Variants in CRIM1 observed in about 807,000 individuals in gnomAD.
CRIM1 encodes the protein cysteine-rich motor neuron 1 protein.
In CRIM1, 32 loss-of-function variants were observed where a neutral mutation model predicts 116.4. That is an observed-to-expected ratio of 0.27 (90% CI 0.21 to 0.37). The LOEUF is 0.37. Among genes scored for constraint, CRIM1 ranks in the 10% least tolerant of loss-of-function variants. The pLI is 1.00. For synonymous variants in CRIM1, 590 were observed against 509.2 expected (o/e 1.16, Z -2.13); for missense variants, 1,331 against 1,354.8 (o/e 0.98, Z 0.28).
At chr2:36,546,898 T>A (rs1167469214) in intron 15 of CRIM1, 86 bp from the exon 16 acceptor site, 1 of 752,738 alleles carries the variant, frequency 1.3e-6, no homozygotes, top group African/African-American at 1.8e-5. Context: ...AAAACCAAGT[T>A]GCTGATCTCT....
Position 36,495,617 on chromosome 2 carries a change from A to G in CRIM1, c.1373-3602A>G, listed in dbSNP as rs918704278. Reference sequence around the variant, plus strand: ...AGAATCTGACCAGCTCTTGGTCATTATTCTTTAAGAACTATAAATATAATA... The same window carrying G: ...AGAATCTGACCAGCTCTTGGTCATTGTTCTTTAAGAACTATAAATATAATA... On this transcript the variant is annotated intron_variant, in intron 7 of 16. Transcript: ENST00000280527. Among the ~76,000 whole-genome samples the G allele has an allele frequency of 4.6e-5, 7 of 151,670 alleles. No individual in the cohort carries two copies. In the South Asian group the frequency reaches 1.5e-3, roughly 32 times the overall value.
chr2:36,376,757 TC>T, intron 1 of CRIM1, among the ~76,000 whole-genome samples: 1 of 152,326 alleles, frequency 6.6e-6, no homozygotes, highest in East Asian at 1.9e-4. Context: ...GCATTTCTTT[TC>T]CCTTTCTTTT....
At chr2:36,379,459 G>A (rs1019304159) in intron 1 of CRIM1, among the ~76,000 whole-genome samples, 1 of 152,158 alleles carries the variant, frequency 6.6e-6, no homozygotes, top group East Asian at 1.9e-4. Flanking sequence ...CACTCTGCTG[G>A]GGTACAAAAA....
intron 9 of CRIM1, among the ~76,000 whole-genome samples, 199 bp from the exon 10 acceptor site, chr2:36,512,074 A>G (rs1013512700): frequency 1.3e-5 from 2 of 152,072 alleles, no homozygotes; most frequent in Non-Finnish European, 2.9e-5. Context: ...TGCTTGGGCA[A>G]CTCTCTGCCT....
intron 2 of CRIM1, among the ~76,000 whole-genome samples, chr2:36,399,340 C>T (rs1282280836): frequency 6.6e-6 from 1 of 152,140 alleles, no homozygotes; most frequent in East Asian, 1.9e-4. Flanking sequence ...TAATGGCAGT[C>T]AAGAGGCTCG....
At chr2:36,395,516 A>G (rs1182096409) in intron 1 of CRIM1, among the ~76,000 whole-genome samples, 2 of 152,234 alleles carry the variant, frequency 1.3e-5, no homozygotes, top group Admixed American at 6.5e-5. Context: ...CCAAGGATTC[A>G]CAGAGAGAAA....
intron 3 of CRIM1, among the ~76,000 whole-genome samples, chr2:36,442,292 C>T (rs1232473778): frequency 2.6e-5 from 4 of 151,428 alleles, no homozygotes. Context: ...GCAAAGTGAT[C>T]CTTTGTCCGT....
rs933491259 is a variant in CRIM1 at position 36,474,786 on chromosome 2, TG to T, written c.992-2102del. Among the ~76,000 whole-genome samples the T allele has an allele frequency of 1.0e-3, 145 of 140,334 alleles. 2 individuals are homozygous for T. Among genetic ancestry groups the T allele is most frequent in the African/African-American group, 3.8e-3 (142 of 37,154 alleles). 92.1% of individuals were successfully genotyped at this position (140,334 alleles called of 152,430 possible). ...TCACTTGAACCCAGGAGGTAAAGGT[TG>T]CAGTGAGCTCAGATGACGCCACTCC... On this transcript the variant is annotated intron_variant, in intron 5 of 16. Coordinates refer to ENST00000280527, the MANE Select transcript of CRIM1 (RefSeq NM_016441.3).
At chr2:36,473,489 A>G (rs1358482971) in intron 5 of CRIM1, among the ~76,000 whole-genome samples, 1 of 152,162 alleles carries the variant, frequency 6.6e-6, no homozygotes, top group Admixed American at 6.5e-5. Context: ...GCCATCAGAA[A>G]ACTCCTGAAC....
chr2:36,357,829 G>C (rs1181826430), intron 1 of CRIM1, among the ~76,000 whole-genome samples: 1 of 152,124 alleles, frequency 6.6e-6, no homozygotes, highest in East Asian at 1.9e-4. Flanking sequence ...TCCAGGGAAC[G>C]GTTTATTCCG....
At chr2:36,466,324 G>C (rs887278388) in intron 5 of CRIM1, among the ~76,000 whole-genome samples, 2 of 152,086 alleles carry the variant, frequency 1.3e-5, no homozygotes, top group African/African-American at 4.8e-5. Context: ...AAGGGGAACA[G>C]AAAAAGTTCT....
chr2:36,515,126 G>T (rs1664953609), intron 11 of CRIM1, among the ~76,000 whole-genome samples: 1 of 152,228 alleles, frequency 6.6e-6, no homozygotes, highest in South Asian at 2.1e-4. Flanking sequence ...GTGTTTGCAT[G>T]AAGACCCCTG....
chr2:36,536,370 T>C (rs914723594), intron 13 of CRIM1, among the ~76,000 whole-genome samples: 2 of 152,002 alleles, frequency 1.3e-5, no homozygotes, highest in African/African-American at 2.4e-5. Flanking sequence ...GCCTTTGTAG[T>C]TTTTCATGTT....
chr2:36,480,795 A>G (rs1182948089), intron 7 of CRIM1, among the ~76,000 whole-genome samples: 1 of 152,214 alleles, frequency 6.6e-6, no homozygotes, highest in Non-Finnish European at 1.5e-5. Flanking sequence ...GCCACACTCC[A>G]GAACTTTACA....
rs190440990 is a variant in CRIM1, at chr2:36,411,776, A to G, written c.505+14989A>G. Among the ~76,000 whole-genome samples the G allele has an allele frequency of 1.6e-3, 248 of 152,202 alleles. 1 individual carries two copies. The highest frequency in any genetic ancestry group is 1.6e-3 in the Non-Finnish European group (108 of 68,004). ...TTTCCTGAGAATTTTGGTCTTCCTTAATGGTGCACATTAGTTATAGACTCT... is the reference window on the plus strand; with the variant it reads ...TTTCCTGAGAATTTTGGTCTTCCTTGATGGTGCACATTAGTTATAGACTCT... On this transcript the variant is annotated intron_variant, in intron 2 of 16. Coordinates refer to ENST00000280527, the MANE Select transcript of CRIM1 (RefSeq NM_016441.3).
chr2:36,536,193 G>A (rs1178404342), intron 13 of CRIM1, among the ~76,000 whole-genome samples: 1 of 152,204 alleles, frequency 6.6e-6, no homozygotes, highest in Non-Finnish European at 1.5e-5. Context: ...AGAGAAAATG[G>A]CTCCTGATGC....
intron 1 of CRIM1, among the ~76,000 whole-genome samples, chr2:36,384,564 A>T (rs57397319): frequency 0.012 from 1,753 of 152,232 alleles, 34 homozygotes; most frequent in African/African-American, 0.04. Context: ...TAATCTTTCT[A>T]TGTTCTTGTT....
In CRIM1 at chr2:36,513,396, T is replaced by TA. The variant is rs1476419315; in HGVS notation, c.1781-159dup. 6 of 612,764 alleles carry TA rather than the reference T, an allele frequency of 9.8e-6. No homozygotes were observed. The Admixed American group carries it at 1.4e-4, about 15-fold the overall frequency. 38.0% of individuals were successfully genotyped at this position (612,764 alleles called of 1,614,324 possible). ...TTTTCTTTTTTCAAGATTGAGAACATACTGACTTAAATTCTTTTCATGAAC... is the reference window on the plus strand; with the variant it reads ...TTTTCTTTTTTCAAGATTGAGAACATAACTGACTTAAATTCTTTTCATGAAC... On this transcript the variant is annotated intron_variant, in intron 10 of 16. Transcript: ENST00000280527.
intron 2 of CRIM1, among the ~76,000 whole-genome samples, chr2:36,411,455 G>A (rs865956943): frequency 6.6e-6 from 1 of 151,982 alleles, no homozygotes; most frequent in Non-Finnish European, 1.5e-5. Flanking sequence ...ATATGCATAG[G>A]AAATAATGCA....
Sources: gnomAD v4.1 joint callset for allele counts (sites outside exome capture counted in the v4.1 genomes callset) on GRCh38, gnomAD v4.1.1 for gene constraint, MANE v1.5 for transcripts, NCBI Gene and HGNC (gene_info 2026-07-23, HGNC 2026-07-21) for gene names.